Variants in DOCK6 observed in about 807,000 individuals in gnomAD.
DOCK6 encodes the protein dedicator of cytokinesis 6, also known as dedicator of cytokinesis protein 6.
DOCK6 carries 167 observed loss-of-function variants against 230.3 expected under a neutral mutation model. The observed-to-expected ratio is 0.73, with a 90% confidence interval of 0.64 to 0.82. The LOEUF (loss-of-function observed/expected upper bound fraction) is 0.82. DOCK6 is among the 40% of genes least tolerant of loss of function. The probability of loss-of-function intolerance (pLI) is 0.00; values close to 1 mark genes in which losing one functional copy is unlikely to be tolerated. For synonymous variants in DOCK6, 1,148 were observed against 1,185.0 expected (o/e 0.97, Z 0.64); for missense variants, 2,598 against 2,825.8 (o/e 0.92, Z 1.83).
In DOCK6 at chr19:11,243,796, G is replaced by A. The variant is rs567381220; in HGVS notation, c.1104+6C>T. On this transcript the variant is annotated splice_donor_region_variant and intron_variant, in intron 10 of 47. Coordinates refer to ENST00000294618, the MANE Select transcript of DOCK6 (RefSeq NM_020812.4). The surrounding 1 kb of genome is among the most constrained non-coding windows in gnomAD (Gnocchi z 6.3). ...GTTGCCCCTAGTCCAGCCTCCACAC[G>A]CTTACCTTGGCTGTGTCCACTTCTT... The A allele has an allele frequency of 6.8e-6, 11 of 1,613,062 alleles. No individual in the cohort carries two copies. The Admixed American group carries it at 1.8e-4, about 27-fold the overall frequency.
rs11668207 is a variant in DOCK6 at position 11,211,064 on chromosome 19, G to A, written c.4751+712C>T. On this transcript the variant is annotated intron_variant, in intron 37 of 47. Transcript: ENST00000294618. The stretch of plus-strand genomic sequence containing the variant: ...CCTCACCCATCCATCCTACTCACCT[G>A]TCTCCTCACCTATGCAGCATCTCCC... Among the ~76,000 whole-genome samples the A allele has an allele frequency of 5.1e-3, 769 of 151,156 alleles. 3 individuals carry two copies. The highest frequency in any genetic ancestry group is 8.6e-3 in the Non-Finnish European group (586 of 67,772).
Position 11,200,373 on chromosome 19 carries a change from C to G in DOCK6, c.6036G>C (p.Glu2012Asp). Residue 2012 changes from glutamate to aspartate, a missense_variant, in exon 47 of 48, where the codon GAG becomes GAC. Physicochemically the swap from Glu to Asp is conservative, Grantham distance 45 (BLOSUM62 2). Coordinates refer to ENST00000294618, the MANE Select transcript of DOCK6 (RefSeq NM_020812.4). This position sits in a 1 kb window ranked among gnomAD's most constrained non-coding sequence, Gnocchi z 4.3. ...GCTGGGTAAGCAGGGGCTGCAGAGCCTCCCGCAGGCGGCAGTAGTTGCGCT... is the reference window on the plus strand; with the variant it reads ...GCTGGGTAAGCAGGGGCTGCAGAGCGTCCCGCAGGCGGCAGTAGTTGCGCT... Reference protein sequence around the residue: ...ELERNYCRLREALQPLLTQRL... With the variant: ...ELERNYCRLRDALQPLLTQRL... 2 of 1,595,912 alleles carry G rather than the reference C, an allele frequency of 1.3e-6. No homozygotes were observed. The highest frequency in any genetic ancestry group is 1.7e-6 in the Non-Finnish European group (2 of 1,171,586).
chr19:11,200,692 C>T lies in DOCK6; in HGVS notation c.5939+24G>A, dbSNP rs763459448. 8 of 1,598,824 alleles carry T rather than the reference C, an allele frequency of 5.0e-6. No individual in the cohort carries two copies. The highest frequency in any genetic ancestry group is 1.3e-5 in the African/African-American group (1 of 74,818). ...ATGCAGGTTAGGCAGACACGAGACC[C>T]CTCCTGGGGGGTTTTGCGCCTACTT... On this transcript the variant is annotated intron_variant, in intron 46 of 47. Coordinates refer to ENST00000294618, the MANE Select transcript of DOCK6 (RefSeq NM_020812.4). The surrounding 1 kb of genome is among the most constrained non-coding windows in gnomAD (Gnocchi z 4.3).
At chr19:11,262,105 C>T (rs2080300231) in intron 1 of DOCK6, among the ~76,000 whole-genome samples, 1 of 152,062 alleles carries the variant, frequency 6.6e-6, no homozygotes, top group Admixed American at 6.6e-5. Context: ...CATCCCCACG[C>T]CACCTCCTCC....
At position 11,250,991 on chromosome 19, in the gene DOCK6, T is replaced by C; in HGVS notation, c.603A>G (p.Ser201=). The change falls in exon 6 of 48, where the codon TCA becomes TCG. Residue 201 remains serine (S), a synonymous_variant. Transcript: ENST00000294618. ...CCCGCTCTAGCAGAGAGGGCAGCAA[T>C]GAGTCAGCTGCCAGGTTCCTCAGGT... ...IFDLRNLAAD[S]LLPSLLERAA... is the part of the protein sequence containing the mutation. The C allele has an allele frequency of 6.2e-7, 1 of 1,613,760 alleles. No homozygotes were observed. Among genetic ancestry groups the C allele is most frequent in the Non-Finnish European group, 8.5e-7 (1 of 1,179,824 alleles).
rs765870565 is a variant in DOCK6, at chr19:11,221,958, G to A, written c.3443C>T (p.Thr1148Ile). Residue 1148 changes from threonine to isoleucine, a missense_variant, in exon 28 of 48, where the codon ACT (threonine) becomes ATT (isoleucine). By Grantham distance (89) the Thr-to-Ile change is moderately conservative (BLOSUM62 -1). Transcript: ENST00000294618. ...AGTGGCCTCGGCGTAGCGGGGGTCA[G>A]TGTCATGGCCACATAGCAGGCTGTG... Reference protein sequence around the residue: ...AVHSLLCGHDTDPRYAEATVK... With the variant: ...AVHSLLCGHDIDPRYAEATVK... 3 of 1,613,890 alleles carry A rather than the reference G, an allele frequency of 1.9e-6. No homozygotes were observed. The highest frequency in any genetic ancestry group is 2.5e-6 in the Non-Finnish European group (3 of 1,179,896).
chr19:11,218,870 AT>A (rs994090395), intron 28 of DOCK6, among the ~76,000 whole-genome samples: 1 of 141,260 alleles, frequency 7.1e-6, no homozygotes, highest in Non-Finnish European at 1.5e-5. Context: ...AAAAAAAAAA[AT>A]CACTTTTTTT....
rs771908844 is a variant in DOCK6 at position 11,214,391 on chromosome 19, C to A, written c.4222G>T (p.Ala1408Ser). The change falls in exon 34 of 48, where the codon GCC becomes TCC. Residue 1408 changes from alanine to serine, a missense_variant. Coordinates refer to ENST00000294618, the MANE Select transcript of DOCK6 (RefSeq NM_020812.4). ...ACTGCCCCCAAGACGCTCTCCCGGG[C>A]TTCTGAAAGCATCACCGTCTGGAGG... ...IIVQTVMLSE[A>S]RESVLGAVLK... 1.2e-6 allele frequency: 2 copies of A among 1,613,722 alleles called. No homozygotes were observed. The highest frequency in any genetic ancestry group is 8.5e-7 in the Non-Finnish European group (1 of 1,179,840).
chr19:11,257,734 AGCCGAGATTGC>A (rs1156250861), intron 1 of DOCK6, among the ~76,000 whole-genome samples: 1 of 151,864 alleles, frequency 6.6e-6, no homozygotes, highest in African/African-American at 2.4e-5. Context: ...GGTTGCAGTG[AGCCGAGATTGC>A]GCCACTGTAC....
At chr19:11,239,038 A>C (rs565210749) in intron 14 of DOCK6, 7 of 158,478 alleles carry the variant, frequency 4.4e-5, no homozygotes, top group African/African-American at 1.7e-4. Flanking sequence ...AGGCAGGACT[A>C]ACATCACCGC....
At position 11,213,321 on chromosome 19, in the gene DOCK6, T is replaced by C. The variant is rs1274853522; in HGVS notation, c.4346A>G (p.Glu1449Gly). The change falls in exon 35 of 48, where the codon GAG (glutamate) becomes GGG (glycine). Residue 1449 changes from glutamate to glycine, a missense_variant. Physicochemically the swap from Glu to Gly is moderately conservative, Grantham distance 98 (BLOSUM62 -2). Transcript: ENST00000294618. ...CTCCGTGTCCTCCTCGAACAGCAGC[T>C]CCGGGAACTGCCCCCAAGGACCCAG... ...TQRALVSKFP[E>G]LLFEEDTELC... The C allele has an allele frequency of 6.2e-7, 1 of 1,611,034 alleles. No homozygotes were observed. Among genetic ancestry groups the C allele is most frequent in the Non-Finnish European group, 8.5e-7 (1 of 1,179,510 alleles).
In DOCK6 at chr19:11,201,858, CA is replaced by C. The variant is rs1240668973; in HGVS notation, c.5688+30del. 66 of 1,508,708 alleles carry C rather than the reference CA, an allele frequency of 4.4e-5. No homozygotes were observed. Among genetic ancestry groups the C allele is most frequent in the South Asian group, 1.8e-4 (15 of 82,652 alleles). The allele number at this position is 1,508,708 out of a possible 1,614,324, so 93.5% of individuals were successfully genotyped here. ...AGGGTCTGATGTCCCCTCACCTCCC[CA>C]CCCCCGCCAGGCCCAGGATCCCCAC... On this transcript the variant is annotated intron_variant, in intron 44 of 47. Coordinates refer to ENST00000294618, the MANE Select transcript of DOCK6 (RefSeq NM_020812.4). The surrounding 1 kb of genome is among the most constrained non-coding windows in gnomAD (Gnocchi z 4.3).
intron 39 of DOCK6, among the ~76,000 whole-genome samples, chr19:11,205,623 G>A (rs1323149209): frequency 6.6e-6 from 1 of 151,658 alleles, no homozygotes; most frequent in African/African-American, 2.4e-5. Context: ...GATTACAGGC[G>A]TGAGCCACTG....
At chr19:11,234,368 A>G (rs1260577607) in intron 21 of DOCK6, among the ~76,000 whole-genome samples, 1 of 151,354 alleles carries the variant, frequency 6.6e-6, no homozygotes, top group Non-Finnish European at 1.5e-5. Flanking sequence ...CAGCCTCCCA[A>G]AGTTCTGGGA....
At chr19:11,255,105 G>T (rs1224648437) in intron 1 of DOCK6, among the ~76,000 whole-genome samples, 1 of 151,846 alleles carries the variant, frequency 6.6e-6, no homozygotes, top group African/African-American at 2.4e-5. Context: ...CCGGGTTCAA[G>T]CGATTCTCCT....
At position 11,201,963 on chromosome 19, in the gene DOCK6, G is replaced by A. The variant is rs189395618; in HGVS notation, c.5614C>T (p.Arg1872Cys). ...AHGELPEQHK[R>C]KTLLSTDHAF... ...TGGTCGGTGCTGAGCAGCGTCTTAC[G>A]CTTGTGTTGCTCGGGCAGCTCCCCG... Residue 1872 changes from arginine (R) to cysteine (C), a missense_variant, in exon 44 of 48, where the codon CGT (arginine) becomes TGT (cysteine). Coordinates refer to ENST00000294618, the MANE Select transcript of DOCK6 (RefSeq NM_020812.4). This position sits in a 1 kb window ranked among gnomAD's most constrained non-coding sequence, Gnocchi z 4.3. 29 of 1,613,460 alleles carry A rather than the reference G, an allele frequency of 1.8e-5. No individual in the cohort carries two copies. The highest frequency in any genetic ancestry group is 3.3e-5 in the Admixed American group (2 of 59,904).
Position 11,202,908 on chromosome 19 carries a change from G to A in DOCK6, c.5236-199C>T, listed in dbSNP as rs957946689. On this transcript the variant is annotated intron_variant, in intron 41 of 47. Transcript: ENST00000294618. This position sits in a 1 kb window ranked among gnomAD's most constrained non-coding sequence, Gnocchi z 5.3. The stretch of plus-strand genomic sequence containing the variant: ...TTAGGACTGGGGCTGTATTGTTTAC[G>A]GGTGTGTCCCTAATGCCCGTGGGAC... 2.0e-5 allele frequency among the ~76,000 whole-genome samples: 3 copies of A among 152,110 alleles called. No individual in the cohort carries two copies. Among genetic ancestry groups the A allele is most frequent in the Admixed American group, 1.3e-4 (2 of 15,266 alleles).
rs775123108 is a variant in DOCK6 at position 11,204,242 on chromosome 19, C to A, written c.5178G>T (p.Val1726=). The change falls in exon 40 of 48, where the codon GTG becomes GTT. Residue 1726 remains valine (V), a synonymous_variant. Coordinates refer to ENST00000294618, the MANE Select transcript of DOCK6 (RefSeq NM_020812.4). ...AHRDYKKLAA[V]HGKLQEAFTK... Reference sequence around the variant, plus strand: ...TGAAGGCCTCCTGCAGTTTGCCGTGCACCGCGGCCAGCTTCTTGTAGTCAC... The same window carrying A: ...TGAAGGCCTCCTGCAGTTTGCCGTGAACCGCGGCCAGCTTCTTGTAGTCAC... 1 of 1,585,614 alleles carries A rather than the reference C, an allele frequency of 6.3e-7. No individual in the cohort carries two copies. The highest frequency in any genetic ancestry group is 2.3e-5 in the East Asian group (1 of 43,708).
At position 11,200,245 on chromosome 19, in the gene DOCK6, C is replaced by A; in HGVS notation, c.6101+63G>T. The A allele has an allele frequency of 6.7e-7, 1 of 1,503,368 alleles. No homozygotes were observed. 93.1% of individuals were successfully genotyped at this position (1,503,368 alleles called of 1,614,324 possible). On this transcript the variant is annotated intron_variant, in intron 47 of 47. Transcript: ENST00000294618. The surrounding 1 kb of genome is among the most constrained non-coding windows in gnomAD (Gnocchi z 4.3). ...GTGTACAACAGCCCCCATCCTGTAC[C>A]TGTCCTGGTCTGCCTCTGCATCCCC...
Sources: gnomAD v4.1 joint callset for allele counts (sites outside exome capture counted in the v4.1 genomes callset) on GRCh38, gnomAD v4.1.1 for gene constraint, Gnocchi (gnomAD v3.1) non-coding constraint, MANE v1.5 for transcripts, NCBI Gene and HGNC (gene_info 2026-07-23, HGNC 2026-07-21) for gene names.